The following ENTPD1 variants were observed in gnomAD, a reference collection of about 807,000 sequenced individuals.
ENTPD1 encodes the protein ATP diphosphohydrolase.
Under a neutral mutation model 57.0 loss-of-function variants are expected in ENTPD1, and 33 were observed. The ratio of observed to expected loss-of-function variants is 0.58; its 90% CI spans 0.44 to 0.77. ENTPD1 has a LOEUF of 0.77. ENTPD1 is among the 30% of genes least tolerant of loss of function. The pLI is 0.00. For synonymous variants in ENTPD1, 202 were observed against 218.8 expected, an observed-to-expected ratio of 0.92 and a Z score of 0.68; for missense variants, 501 against 603.4, an observed-to-expected ratio of 0.83 and a Z score of 1.78.
the ENTPD1 span, among the ~76,000 whole-genome samples, chr10:95,695,605 G>C: frequency 1.3e-5 from 2 of 152,196 alleles, no homozygotes; most frequent in Non-Finnish European, 2.9e-5. Context: ...TTGTGTGATA[G>C]ACAGCTATGG....
intron 1 of ENTPD1, among the ~76,000 whole-genome samples, chr10:95,726,186 T>C (rs2097983454): frequency 6.6e-6 from 1 of 152,240 alleles, no homozygotes; most frequent in African/African-American, 2.4e-5. Context: ...CTGTGCTTGA[T>C]AATAGAAACC....
chr10:95,701,678 A>G, the ENTPD1 span, among the ~76,000 whole-genome samples: 1 of 152,202 alleles, frequency 6.6e-6, no homozygotes, highest in South Asian at 2.1e-4. Context: ...ACCATGTATT[A>G]TGCCACAAAG....
chr10:95,873,840 G>A lies in ENTPD1; in HGVS notation c.*7457G>A, dbSNP rs2098483036. On this transcript the variant is annotated 3_prime_UTR_variant, in exon 10 of 10. Coordinates refer to ENST00000371205, the MANE Select transcript of ENTPD1 (RefSeq NM_001776.6). ...GGCAAAAGGTACTTCTTACGTGGTGGCATCAAGAGCAAAATGAGGAAGAAG... is the reference window on the plus strand; with the variant it reads ...GGCAAAAGGTACTTCTTACGTGGTGACATCAAGAGCAAAATGAGGAAGAAG... 3 of 330,848 alleles carry A rather than the reference G, an allele frequency of 9.1e-6. No individual in the cohort carries two copies. The highest frequency in any genetic ancestry group is 1.3e-5 in the Non-Finnish European group (3 of 231,512). The allele number at this position is 330,848 out of a possible 1,614,324, so 20.5% of individuals were successfully genotyped here. A position where few individuals can be genotyped will look rare whatever the true frequency, so the allele number is the denominator to read the frequency against.
At chr10:95,708,055 T>C (rs1397252627), upstream of ENTPD1, among the ~76,000 whole-genome samples, 1 of 152,176 alleles carries the variant, frequency 6.6e-6, no homozygotes, top group Non-Finnish European at 1.5e-5. Flanking sequence ...TTTGATGACA[T>C]CAAATGATGA....
Position 95,871,510 on chromosome 10 carries a change from T to C in ENTPD1, c.*5127T>C, listed in dbSNP as rs535745167. 2.0e-6 allele frequency: 2 copies of C among 985,440 alleles called. No individual in the cohort carries two copies. The highest frequency in any genetic ancestry group is 9.4e-5 in the South Asian group (2 of 21,286). 61.0% of individuals were successfully genotyped at this position (985,440 alleles called of 1,614,324 possible). On this transcript the variant is annotated 3_prime_UTR_variant, in exon 10 of 10. Coordinates refer to ENST00000371205, the MANE Select transcript of ENTPD1 (RefSeq NM_001776.6). Reference sequence around the variant, plus strand: ...ATGTATAGCTAATTACCCAACTTTTTATTTGCATACAAATCTAATACAACT... The same window carrying C: ...ATGTATAGCTAATTACCCAACTTTTCATTTGCATACAAATCTAATACAACT...
intron 2 of ENTPD1, among the ~76,000 whole-genome samples, chr10:95,836,695 G>T (rs1408695289): frequency 6.6e-6 from 1 of 152,204 alleles, no homozygotes; most frequent in Non-Finnish European, 1.5e-5. Context: ...AGCCCAGGAG[G>T]CAGAGAGAAC....
At chr10:95,755,724 G>A (rs2098020535), upstream of ENTPD1, 1 of 1,537,276 alleles carries the variant, frequency 6.5e-7, no homozygotes, top group South Asian at 1.2e-5. Context: ...TATGGGGAGG[G>A]AAGAACTGTT....
At chr10:95,837,985 A>ACACAC in intron 2 of ENTPD1, among the ~76,000 whole-genome samples, 1 of 146,322 alleles carries the variant, frequency 6.8e-6, no homozygotes, top group South Asian at 2.2e-4. Flanking sequence ...CACACACACC[A>ACACAC]CACACCCACA....
At chr10:95,769,855 G>C (rs2098108084) in intron 1 of ENTPD1, among the ~76,000 whole-genome samples, 1 of 152,162 alleles carries the variant, frequency 6.6e-6, no homozygotes, top group Non-Finnish European at 1.5e-5. Context: ...TTGACTCCAA[G>C]GTTTTGGGCC....
chr10:95,750,403 T>G lies in ENTPD1; in HGVS notation c.37+38410T>G, dbSNP rs2098010450. On this transcript the variant is annotated intron_variant, in intron 1 of 9. Transcript: ENST00000453258. Reference sequence around the variant, plus strand: ...GAAAATGAGTTCATTTGAAATCTGGTTGTTTAAGAGTCTGGCACCTCCCCT... The same window carrying G: ...GAAAATGAGTTCATTTGAAATCTGGGTGTTTAAGAGTCTGGCACCTCCCCT... Among the ~76,000 whole-genome samples the G allele has an allele frequency of 2.6e-5, 4 of 152,198 alleles. No homozygotes were observed. In the Middle Eastern group the frequency reaches 0.01, roughly 388 times the overall value.
In ENTPD1 at chr10:95,847,535, C is replaced by T; in HGVS notation, c.903C>T (p.Cys301=). The T allele has an allele frequency of 1.2e-6, 2 of 1,614,156 alleles. No individual in the cohort carries two copies. Among genetic ancestry groups the T allele is most frequent in the South Asian group, 1.1e-5 (1 of 91,076 alleles). Residue 301 remains cysteine (C), a synonymous_variant, in exon 7 of 10, where the codon TGC becomes TGT. Coordinates refer to ENST00000371205, the MANE Select transcript of ENTPD1 (RefSeq NM_001776.6). ...TAAGTGACCTTTACAAGACCCCCTGCACCAAGAGATTTGAGATGACTCTTC... is the reference window on the plus strand; with the variant it reads ...TAAGTGACCTTTACAAGACCCCCTGTACCAAGAGATTTGAGATGACTCTTC... ...VNVSDLYKTP[C]TKRFEMTLPF... is the part of the protein sequence containing the mutation.
chr10:95,827,827 A>G (rs2098383256), intron 2 of ENTPD1, among the ~76,000 whole-genome samples: 1 of 152,178 alleles, frequency 6.6e-6, no homozygotes, highest in Non-Finnish European at 1.5e-5. Context: ...CTTTTTTCAT[A>G]CTATCTTCAA....
the ENTPD1 span, among the ~76,000 whole-genome samples, chr10:95,700,467 A>G: frequency 3.9e-5 from 6 of 152,234 alleles, no homozygotes; most frequent in Admixed American, 1.3e-4. Flanking sequence ...CTGGAGGATC[A>G]CTTGAGGCCA....
intron 6 of ENTPD1, among the ~76,000 whole-genome samples, chr10:95,846,779 G>A (rs1322715086): frequency 1.3e-5 from 2 of 152,006 alleles, no homozygotes; most frequent in Admixed American, 6.6e-5. Flanking sequence ...CTTGAGGTCC[G>A]GAGTTCGAGA....
chr10:95,802,666 T>A (rs1440306647), intron 1 of ENTPD1, among the ~76,000 whole-genome samples: 3 of 152,186 alleles, frequency 2.0e-5, no homozygotes, highest in Admixed American at 6.5e-5. Flanking sequence ...GTCCAAGTGA[T>A]CTCATTGTTC....
chr10:95,785,944 G>C (rs1212058292), intron 1 of ENTPD1, among the ~76,000 whole-genome samples: 2 of 152,192 alleles, frequency 1.3e-5, no homozygotes, highest in Admixed American at 6.5e-5. Context: ...TGATTGTGAG[G>C]ATGGCAAGCG....
chr10:95,865,292 C>G (rs1178678214), intron 9 of ENTPD1, among the ~76,000 whole-genome samples: 4 of 152,144 alleles, frequency 2.6e-5, no homozygotes, highest in Non-Finnish European at 2.9e-5. Flanking sequence ...TCTGAAAGCT[C>G]TGTGTGAAGA....
Position 95,872,675 on chromosome 10 carries a change from T to C in ENTPD1, c.*6292T>C, listed in dbSNP as rs1380673559. ...TGAAAAGTTGGATTCAGGGATATTA[T>C]CACGGACCTAAGGTAATAGTTCTAG... On this transcript the variant is annotated 3_prime_UTR_variant, in exon 10 of 10. Transcript: ENST00000371205. The C allele has an allele frequency of 4.3e-6, 4 of 932,642 alleles. No individual in the cohort carries two copies. Among genetic ancestry groups the C allele is most frequent in the Non-Finnish European group, 5.0e-6 (4 of 803,366 alleles). The allele number at this position is 932,642 out of a possible 1,614,324, so 57.8% of individuals were successfully genotyped here.
chr10:95,745,272 C>T (rs567064117), intron 1 of ENTPD1, among the ~76,000 whole-genome samples: 1 of 152,292 alleles, frequency 6.6e-6, no homozygotes, highest in Admixed American at 6.5e-5. Flanking sequence ...CAGCCTTGAA[C>T]TCCTGGGCTC....
Sources: allele counts gnomAD v4.1 joint callset (sites outside exome capture counted in the v4.1 genomes callset), GRCh38; gene constraint gnomAD v4.1.1; transcripts MANE v1.5; gene names NCBI Gene and HGNC (gene_info 2026-07-23, HGNC 2026-07-21).